PAQR4: variants seen among roughly 807,000 people sequenced by gnomAD.
PAQR4 encodes the protein progestin and adipoQ receptor family member IV.
A neutral mutation model predicts 20.9 loss-of-function variants in PAQR4; 26 were observed. The ratio of observed to expected loss-of-function variants is 1.24; its 90% CI spans 0.91 to 1.73. The LOEUF is 1.73. PAQR4 is among the 40% of genes most tolerant of loss of function. PAQR4 has a pLI of 0.00. For synonymous variants in PAQR4, 193 were observed against 171.6 expected (o/e 1.12, Z -0.97); for missense variants, 400 against 380.1 (o/e 1.05, Z -0.44).
In PAQR4 at chr16:2,972,720, C is replaced by T. The variant is rs767595899; in HGVS notation, c.*772C>T. 6.5e-7 allele frequency: 1 copy of T among 1,536,102 alleles called. No homozygotes were observed. The highest frequency in any genetic ancestry group is 1.4e-5 in the African/African-American group (1 of 73,054). On this transcript the variant is annotated 3_prime_UTR_variant, in exon 3 of 3. Transcript: ENST00000318782. ...GGCCCAAGGCCAGGAGCGCTGGGTT[C>T]TGCAGCAGGGCTCAGCCTCAGGGGC...
At position 2,973,457 on chromosome 16, in the gene PAQR4, AT is replaced by A; in HGVS notation, c.*1512del. 6.6e-7 allele frequency: 1 copy of A among 1,516,018 alleles called. No homozygotes were observed. Among genetic ancestry groups the A allele is most frequent in the Non-Finnish European group, 8.8e-7 (1 of 1,135,394 alleles). 93.9% of individuals were successfully genotyped at this position (1,516,018 alleles called of 1,614,324 possible). On this transcript the variant is annotated 3_prime_UTR_variant, in exon 3 of 3. Transcript: ENST00000318782. ...TCAGAACACATGGACTTGGAGGCAG[AT>A]TTGAAATAAACTTTTAGTAAATGTA...
In PAQR4 at chr16:2,971,869, T is replaced by C. The variant is rs1281415478; in HGVS notation, c.743T>C (p.Val248Ala). Reference sequence around the variant, plus strand: ...CACCAGATCATGCACCTGCTGAGCGTGGGCTCCATCCTGCAGCTGCACGCC... The same window carrying C: ...CACCAGATCATGCACCTGCTGAGCGCGGGCTCCATCCTGCAGCTGCACGCC... Reference protein sequence around the residue: ...NSHQIMHLLSVGSILQLHAGV... With the variant: ...NSHQIMHLLSAGSILQLHAGV... The change falls in exon 3 of 3, where the codon GTG becomes GCG. Residue 248 changes from valine to alanine, a missense_variant. By Grantham distance (64) the Val-to-Ala change is moderately conservative. Coordinates refer to ENST00000318782, the MANE Select transcript of PAQR4 (RefSeq NM_152341.5). The C allele has an allele frequency of 1.2e-6, 2 of 1,611,762 alleles. No homozygotes were observed. Among genetic ancestry groups the C allele is most frequent in the Non-Finnish European group, 1.7e-6 (2 of 1,179,874 alleles).
At position 2,972,169 on chromosome 16, in the gene PAQR4, A is replaced by C. The variant is rs1280039915; in HGVS notation, c.*221A>C. On this transcript the variant is annotated 3_prime_UTR_variant, in exon 3 of 3. Transcript: ENST00000318782. Reference sequence around the variant, plus strand: ...CCTTTTCCCTCCAAGCTCCTATTTTACTGTGTCAGCTGGAAGGAAACCTTT... The same window carrying C: ...CCTTTTCCCTCCAAGCTCCTATTTTCCTGTGTCAGCTGGAAGGAAACCTTT... The C allele has an allele frequency of 1.8e-6, 1 of 568,690 alleles. No homozygotes were observed. The highest frequency in any genetic ancestry group is 3.1e-6 in the Non-Finnish European group (1 of 327,156). The allele number at this position is 568,690 out of a possible 1,614,324, so 35.2% of individuals were successfully genotyped here. A position where few individuals can be genotyped will look rare whatever the true frequency, so the allele number is the denominator to read the frequency against.
In PAQR4 at chr16:2,972,747, T is replaced by A; in HGVS notation, c.*799T>A. On this transcript the variant is annotated 3_prime_UTR_variant, in exon 3 of 3. Transcript: ENST00000318782. Reference sequence around the variant, plus strand: ...GCAGCAGGGCTCAGCCTCAGGGGCGTTAAGACCCTGGATGACATCAATAAA... The same window carrying A: ...GCAGCAGGGCTCAGCCTCAGGGGCGATAAGACCCTGGATGACATCAATAAA... 2 of 1,537,088 alleles carry A rather than the reference T, an allele frequency of 1.3e-6. No homozygotes were observed. Among genetic ancestry groups the A allele is most frequent in the Non-Finnish European group, 1.7e-6 (2 of 1,146,704 alleles).
chr16:2,970,896 G>A (rs978041042), intron 1 of PAQR4: 30 of 592,722 alleles, frequency 5.1e-5, no homozygotes, highest in Middle Eastern at 4.5e-4. Context: ...ACCCGGGGCC[G>A]GTCACTCAGC....
chr16:2,970,022 T>A, intron 1 of PAQR4, 182 bp downstream of exon 1: 2 of 834,332 alleles, frequency 2.4e-6, no homozygotes, highest in Non-Finnish European at 3.6e-6. Flanking sequence ...GCTTCCGTTT[T>A]CCCGGCGGGT....
At position 2,971,156 on chromosome 16, in the gene PAQR4, G is replaced by A; in HGVS notation, c.167-1G>A. Reference sequence around the variant, plus strand: ...TGGTAGATGACTGTCTCCCTCCCTAGGGCTGGCCCTGCTGGGCTTCCTGGT... The same window carrying A: ...TGGTAGATGACTGTCTCCCTCCCTAAGGCTGGCCCTGCTGGGCTTCCTGGT... On this transcript the variant is annotated splice_acceptor_variant, in intron 1 of 2. Coordinates refer to ENST00000318782, the MANE Select transcript of PAQR4 (RefSeq NM_152341.5). LOFTEE classifies it high-confidence loss of function. 1 of 1,613,040 alleles carries A rather than the reference G, an allele frequency of 6.2e-7. No homozygotes were observed. The highest frequency in any genetic ancestry group is 8.5e-7 in the Non-Finnish European group (1 of 1,179,830).
Position 2,971,170 on chromosome 16 carries a change from G to A in PAQR4, c.180G>A (p.Leu60=). ...CTCCCTCCCTAGGGCTGGCCCTGCTGGGCTTCCTGGTGCTGGTGCCAATGA... is the reference window on the plus strand; with the variant it reads ...CTCCCTCCCTAGGGCTGGCCCTGCTAGGCTTCCTGGTGCTGGTGCCAATGA... The part of the protein sequence containing the change: ...GNIYTHGLAL[L]GFLVLVPMTM... Residue 60 remains leucine, a synonymous_variant, in exon 2 of 3, where the codon CTG becomes CTA. Transcript: ENST00000318782. The A allele has an allele frequency of 6.2e-7, 1 of 1,613,268 alleles. No individual in the cohort carries two copies. Among genetic ancestry groups the A allele is most frequent in the South Asian group, 1.1e-5 (1 of 91,088 alleles).
In PAQR4 at chr16:2,971,717, A is replaced by C; in HGVS notation, c.591A>C (p.Ser197=). 2 of 1,612,502 alleles carry C rather than the reference A, an allele frequency of 1.2e-6. No homozygotes were observed. The highest frequency in any genetic ancestry group is 1.7e-6 in the Non-Finnish European group (2 of 1,179,712). The change falls in exon 3 of 3, where the codon TCA becomes TCC. Residue 197 remains serine (S), a synonymous_variant. Transcript: ENST00000318782. ...GGGCCCGGGGAGTGGGTCTGGGTTCAGGGGCTCCAGGCTCCCTGCCCTGCT... is the reference window on the plus strand; with the variant it reads ...GGGCCCGGGGAGTGGGTCTGGGTTCCGGGGCTCCAGGCTCCCTGCCCTGCT... ...VFGARGVGLG[S]GAPGSLPCYL... is the part of the protein sequence containing the mutation.
Position 2,973,207 on chromosome 16 carries a change from A to C in PAQR4, c.*1259A>C. The C allele has an allele frequency of 6.6e-7, 1 of 1,504,666 alleles. No individual in the cohort carries two copies. The highest frequency in any genetic ancestry group is 8.9e-7 in the Non-Finnish European group (1 of 1,123,710). 93.2% of individuals were successfully genotyped at this position (1,504,666 alleles called of 1,614,324 possible). A position where few individuals can be genotyped will look rare whatever the true frequency, so the allele number is the denominator to read the frequency against. On this transcript the variant is annotated 3_prime_UTR_variant, in exon 3 of 3. Transcript: ENST00000318782. ...CCGGGCCAGGACAGCCTCAGGGGAG[A>C]GTGAAGGCCTGCAGGAGGGCAGGCG...
In PAQR4 at chr16:2,973,458, T is replaced by G. The variant is rs750204107; in HGVS notation, c.*1510T>G. The stretch of plus-strand genomic sequence containing the variant: ...CAGAACACATGGACTTGGAGGCAGA[T>G]TTGAAATAAACTTTTAGTAAATGTA... On this transcript the variant is annotated 3_prime_UTR_variant, in exon 3 of 3. Coordinates refer to ENST00000318782, the MANE Select transcript of PAQR4 (RefSeq NM_152341.5). 6.6e-7 allele frequency: 1 copy of G among 1,516,016 alleles called. No individual in the cohort carries two copies. The highest frequency in any genetic ancestry group is 1.2e-5 in the South Asian group (1 of 82,034). 93.9% of individuals were successfully genotyped at this position (1,516,016 alleles called of 1,614,324 possible).
chr16:2,971,736 C>T lies in PAQR4; in HGVS notation c.610C>T (p.Pro204Ser), dbSNP rs772765723. The T allele has an allele frequency of 1.2e-6, 2 of 1,612,736 alleles. No individual in the cohort carries two copies. The highest frequency in any genetic ancestry group is 3.3e-5 in the Admixed American group (2 of 60,012). The change falls in exon 3 of 3, where the codon CCC (proline) becomes TCC (serine). Residue 204 changes from proline to serine, a missense_variant. Pro to Ser is a moderately conservative substitution (Grantham distance 74, BLOSUM62 -1). Coordinates refer to ENST00000318782, the MANE Select transcript of PAQR4 (RefSeq NM_152341.5). ...GLGSGAPGSL[P>S]CYLRMDALAL... ...GGGTTCAGGGGCTCCAGGCTCCCTG[C>T]CCTGCTACCTGCGCATGGACGCACT...
chr16:2,971,638 G>A lies in PAQR4; in HGVS notation c.512G>A (p.Ser171Asn). Reference sequence around the variant, plus strand: ...CGTGCTCTCACCGCCCCCTCCACCAGTGCTCGGCTCCGGGCATTTGGATGG... The same window carrying A: ...CGTGCTCTCACCGCCCCCTCCACCAATGCTCGGCTCCGGGCATTTGGATGG... ...GWRALTAPST[S>N]ARLRAFGWQA... The change falls in exon 3 of 3, where the codon AGT becomes AAT. Residue 171 changes from serine (S) to asparagine (N), a missense_variant. Transcript: ENST00000318782. 2 of 1,608,300 alleles carry A rather than the reference G, an allele frequency of 1.2e-6. No homozygotes were observed. Among genetic ancestry groups the A allele is most frequent in the Non-Finnish European group, 1.7e-6 (2 of 1,179,884 alleles).
Position 2,969,709 on chromosome 16 carries a change from G to A in PAQR4, c.35G>A (p.Trp12Ter). 6.3e-7 allele frequency: 1 copy of A among 1,598,926 alleles called. No homozygotes were observed. The highest frequency in any genetic ancestry group is 8.5e-7 in the Non-Finnish European group (1 of 1,174,072). ...CTGGCCGGGCCGCGCCTGCTGGACT[G>A]GGCCAGCTCGCCGCCGCACCTGCAG... The part of the protein sequence containing the change: ...AFLAGPRLLD[W>*]ASSPPHLQFN... The change falls in exon 1 of 3, where the codon TGG becomes TAG. Residue 12 changes from tryptophan to a stop codon, truncating the protein, a stop_gained. Coordinates refer to ENST00000318782, the MANE Select transcript of PAQR4 (RefSeq NM_152341.5). LOFTEE classifies it high-confidence loss of function.
chr16:2,969,933 C>T, intron 1 of PAQR4, 93 bp downstream of exon 1: 1 of 1,531,138 alleles, frequency 6.5e-7, no homozygotes, highest in Non-Finnish European at 8.9e-7. Context: ...CCCCAGCGCC[C>T]AAGTCCAGGG....
Position 2,971,261 on chromosome 16 carries a change from G to A in PAQR4, c.271G>A (p.Ala91Thr). 1 of 1,613,042 alleles carries A rather than the reference G, an allele frequency of 6.2e-7. No homozygotes were observed. The highest frequency in any genetic ancestry group is 8.5e-7 in the Non-Finnish European group (1 of 1,179,992). ...AGGCACACATTGCGTGGCCTGCCTT[G>A]CACCCCCTGCAGGCTCCGTGCTCTA... The part of the protein sequence containing the change: ...LGGTHCVACL[A>T]PPAGSVLYHL... The change falls in exon 2 of 3, where the codon GCA (alanine) becomes ACA (threonine). Residue 91 changes from alanine to threonine, a missense_variant. Coordinates refer to ENST00000318782, the MANE Select transcript of PAQR4 (RefSeq NM_152341.5).
chr16:2,972,681 G>A lies in PAQR4; in HGVS notation c.*733G>A, dbSNP rs1265060950. On this transcript the variant is annotated 3_prime_UTR_variant, in exon 3 of 3. Coordinates refer to ENST00000318782, the MANE Select transcript of PAQR4 (RefSeq NM_152341.5). ...AAACCTCTTTGCTCCACACAGCATG[G>A]GGCTTCAGCTGCTGGCCCAAGGCCA... is the stretch of plus-strand genomic sequence containing the variant. 7 of 1,535,734 alleles carry A rather than the reference G, an allele frequency of 4.6e-6. No individual in the cohort carries two copies. The highest frequency in any genetic ancestry group is 3.9e-5 in the Admixed American group (2 of 50,974).
chr16:2,970,241 C>T, intron 1 of PAQR4: 1 of 205,242 alleles, frequency 4.9e-6, no homozygotes, highest in South Asian at 6.1e-5. Context: ...ACGCCCCCGC[C>T]CCAAGCCGCT....
rs2071921524 is a variant in PAQR4, at chr16:2,969,546, C to G, written c.-129C>G. ...CCCCCTAGCCAGCGCGTGCGCCGAT[C>G]GAGCGCAGGGCGATGGGTGGGCGCC... On this transcript the variant is annotated 5_prime_UTR_variant, in exon 1 of 3. In the 5' UTR this introduces an upstream ATG that the reference lacks. Transcript: ENST00000318782. The G allele has an allele frequency of 4.5e-6, 5 of 1,105,290 alleles. No individual in the cohort carries two copies. The highest frequency in any genetic ancestry group is 5.9e-6 in the Non-Finnish European group (5 of 849,326). The allele number at this position is 1,105,290 out of a possible 1,614,324, so 68.5% of individuals were successfully genotyped here.
Sources: allele counts gnomAD v4.1 joint callset, GRCh38; gene constraint gnomAD v4.1.1; transcripts MANE v1.5; gene names NCBI Gene and HGNC (gene_info 2026-07-23, HGNC 2026-07-21).